The following NRXN3 variants were observed in gnomAD, a reference collection of about 807,000 sequenced individuals.
NRXN3 encodes neurexin III.
A neutral mutation model predicts 137.6 loss-of-function variants in NRXN3; 32 were observed. That is an observed-to-expected ratio of 0.23 (90% CI 0.18 to 0.31). NRXN3 has a LOEUF of 0.31. Ranked by LOEUF, NRXN3 falls within the 10% of genes least tolerant of loss-of-function variation. NRXN3 has a pLI of 1.00. For missense variants in NRXN3, 1,574 were observed against 2,062.5 expected (o/e 0.76, Z 4.59); for synonymous variants, 798 against 784.5 (o/e 1.02, Z -0.29).
At chr14:78,418,506 A>C (rs148758484) in intron 4 of NRXN3, among the ~76,000 whole-genome samples, 80 of 152,322 alleles carry the variant, frequency 5.3e-4, no homozygotes, top group Non-Finnish European at 1.0e-3. Context: ...CTCTGAGCCT[A>C]GAACATGGGA....
intron 15 of NRXN3, among the ~76,000 whole-genome samples, chr14:79,244,418 A>G (rs553221173): frequency 6.6e-6 from 1 of 152,208 alleles, no homozygotes; most frequent in South Asian, 2.1e-4. Flanking sequence ...CCACAGCCTT[A>G]TGGAAATTCT....
chr14:78,811,132 T>C (rs1346181112), intron 10 of NRXN3, among the ~76,000 whole-genome samples: 2 of 152,196 alleles, frequency 1.3e-5, no homozygotes, highest in Non-Finnish European at 2.9e-5. Context: ...GAAATATGCT[T>C]TGAGTACTAT....
At chr14:78,964,175 C>G (rs1319145660) in intron 11 of NRXN3, among the ~76,000 whole-genome samples, 3 of 152,078 alleles carry the variant, frequency 2.0e-5, no homozygotes, top group African/African-American at 7.2e-5. Context: ...TTTAAGAGAC[C>G]TAAGAAAATA....
chr14:78,956,615 A>T (rs1347226150), intron 10 of NRXN3, among the ~76,000 whole-genome samples: 3 of 152,184 alleles, frequency 2.0e-5, no homozygotes, highest in Non-Finnish European at 4.4e-5. Context: ...CAATGGGAAA[A>T]TTCTGGGGGC....
rs182844781 is a variant in NRXN3 at position 79,259,698 on chromosome 14, A to G, written c.3263-207523A>G. On this transcript the variant is annotated intron_variant, in intron 15 of 20. Coordinates refer to ENST00000335750, the MANE Select transcript of NRXN3 (RefSeq NM_001330195.2). ...AGATAGCTATATATATAGTTTATAT[A>G]TATAGTTTTATACACACACACACAC... Among the ~76,000 whole-genome samples, 743 of 118,016 alleles carry G rather than the reference A, an allele frequency of 6.3e-3. 7 individuals are homozygous for G. The highest frequency in any genetic ancestry group is 0.024 in the African/African-American group (724 of 30,478). 77.4% of individuals were successfully genotyped at this position (118,016 alleles called of 152,430 possible). A position where few individuals can be genotyped will look rare whatever the true frequency, so the allele number is the denominator to read the frequency against.
At chr14:78,919,491 G>A (rs550332881) in intron 10 of NRXN3, among the ~76,000 whole-genome samples, 1 of 152,220 alleles carries the variant, frequency 6.6e-6, no homozygotes, top group East Asian at 1.9e-4. Context: ...AATATCAAAT[G>A]GTCATTTAAG....
chr14:78,536,035 ATGGGGTCTG>A (rs1237828788), intron 4 of NRXN3, among the ~76,000 whole-genome samples: 1 of 152,132 alleles, frequency 6.6e-6, no homozygotes, highest in African/African-American at 2.4e-5. Flanking sequence ...AAAGCAAAAA[ATGGGGTCTG>A]AGAGTGTTTC....
chr14:78,971,574 C>T (rs1238782004), intron 14 of NRXN3, among the ~76,000 whole-genome samples: 2 of 152,056 alleles, frequency 1.3e-5, no homozygotes, highest in Non-Finnish European at 2.9e-5. Flanking sequence ...ATATCAGACC[C>T]ATGACAGCAG....
chr14:79,009,783 G>A (rs2099568011), intron 15 of NRXN3, among the ~76,000 whole-genome samples: 1 of 152,092 alleles, frequency 6.6e-6, no homozygotes, highest in African/African-American at 2.4e-5. Flanking sequence ...AATAATTTCT[G>A]CAGACAGGTG....
chr14:78,301,700 T>C (rs994800941), intron 4 of NRXN3, among the ~76,000 whole-genome samples: 2 of 152,196 alleles, frequency 1.3e-5, no homozygotes, highest in Admixed American at 1.3e-4. Context: ...GCCATGAGGA[T>C]GTTGAAGAAA....
At chr14:78,819,592 C>T (rs78060743) in intron 10 of NRXN3, among the ~76,000 whole-genome samples, 5,434 of 152,044 alleles carry the variant, frequency 0.036, 143 homozygotes, top group Middle Eastern at 0.075. Context: ...AAATTAGGAC[C>T]GTATTAGTTT....
intron 20 of NRXN3, among the ~76,000 whole-genome samples, chr14:79,825,249 A>G (rs1307206411): frequency 8.1e-6 from 1 of 123,758 alleles, no homozygotes; most frequent in East Asian, 2.3e-4. Flanking sequence ...TTTTCAAATT[A>G]TATGTGGATT....
At chr14:79,028,189 A>T (rs1277653041) in intron 15 of NRXN3, among the ~76,000 whole-genome samples, 1 of 152,142 alleles carries the variant, frequency 6.6e-6, no homozygotes, top group Non-Finnish European at 1.5e-5. Flanking sequence ...TACCCAACTC[A>T]CTACTCTGGC....
rs1337017944 is a variant in NRXN3, at chr14:79,534,340, G to T, written c.3444+66938G>T. Among the ~76,000 whole-genome samples, 3 of 152,146 alleles carry T rather than the reference G, an allele frequency of 2.0e-5. No individual in the cohort carries two copies. The East Asian group carries it at 5.8e-4, about 29-fold the overall frequency. ...ATCTCTTGTTCCTTCGTTGTAAGGG[G>T]ACTGAGGGCACAAGAGTTCTAAGAC... On this transcript the variant is annotated intron_variant, in intron 16 of 20. Coordinates refer to ENST00000335750, the MANE Select transcript of NRXN3 (RefSeq NM_001330195.2).
At chr14:79,750,261 A>T (rs1393717340) in intron 19 of NRXN3, among the ~76,000 whole-genome samples, 1 of 152,152 alleles carries the variant, frequency 6.6e-6, no homozygotes, top group Non-Finnish European at 1.5e-5. Context: ...CAAACCAGGG[A>T]GAAGTAATAA....
chr14:78,803,660 G>C lies in NRXN3; in HGVS notation c.2085G>C (p.Lys695Asn). ...GCTATGATGGTAGCATGTACATGAA[G>C]ATCATCATGCCCATGGTCATGCATA... is the stretch of plus-strand genomic sequence containing the variant. Reference protein sequence around the residue: ...ILSYDGSMYMKIIMPMVMHTE... With the variant: ...ILSYDGSMYMNIIMPMVMHTE... Residue 695 changes from lysine (K) to asparagine (N), a missense_variant, in exon 9 of 21, where the codon AAG becomes AAC. This residue lies in a region of NRXN3 where 718 missense variants were observed against 887.6 expected (regional missense o/e 0.81). Coordinates refer to ENST00000335750, the MANE Select transcript of NRXN3 (RefSeq NM_001330195.2). The C allele has an allele frequency of 1.2e-6, 2 of 1,614,164 alleles. No individual in the cohort carries two copies. Among genetic ancestry groups the C allele is most frequent in the Non-Finnish European group, 1.7e-6 (2 of 1,180,020 alleles).
At chr14:79,833,202 G>A (rs939123958) in intron 20 of NRXN3, among the ~76,000 whole-genome samples, 3 of 152,052 alleles carry the variant, frequency 2.0e-5, no homozygotes, top group Non-Finnish European at 4.4e-5. Context: ...TACTGGTGCT[G>A]ATGAATATCA....
At chr14:78,621,024 T>G (rs764673889) in intron 4 of NRXN3, among the ~76,000 whole-genome samples, 1 of 152,166 alleles carries the variant, frequency 6.6e-6, no homozygotes, top group Non-Finnish European at 1.5e-5. Context: ...TAAAGGAATG[T>G]TTAATCCTTG....
intron 4 of NRXN3, among the ~76,000 whole-genome samples, chr14:78,537,048 G>A (rs113343409): frequency 6.6e-6 from 1 of 152,124 alleles, no homozygotes; most frequent in African/African-American, 2.4e-5. Flanking sequence ...GCTATTGTGA[G>A]TAGTACCACC....
Sources: allele counts gnomAD v4.1 joint callset (sites outside exome capture counted in the v4.1 genomes callset), GRCh38; gene constraint gnomAD v4.1.1; regional missense constraint gnomAD v4.1.1; transcripts MANE v1.5; gene names NCBI Gene and HGNC (gene_info 2026-07-23, HGNC 2026-07-21).